Variants in MEGF11 observed in about 807,000 individuals in gnomAD.
MEGF11 encodes the protein multiple epidermal growth factor-like domains protein 11.
MEGF11 carries 126 observed loss-of-function variants against 146.6 expected under a neutral mutation model. The ratio of observed to expected loss-of-function variants is 0.86; its 90% CI spans 0.74 to 1.00. MEGF11 has a LOEUF of 1.00. Among genes scored for constraint, MEGF11 ranks in the 50% least tolerant of loss-of-function variants. MEGF11 has a pLI of 0.00. For missense variants in MEGF11, 1,509 were observed against 1,521.2 expected (o/e 0.99, Z 0.13); for synonymous variants, 532 against 583.4 (o/e 0.91, Z 1.27).
At chr15:66,202,140 CAA>C (rs1203304720) in intron 1 of MEGF11, among the ~76,000 whole-genome samples, 5 of 137,940 alleles carry the variant, frequency 3.6e-5, no homozygotes, top group South Asian at 2.3e-4. Flanking sequence ...CACACACACA[CAA>C]GTGATACACA....
Position 65,909,006 on chromosome 15 carries a change from G to T in MEGF11, c.2998+28C>A, listed in dbSNP as rs537376248. 9.2e-5 allele frequency: 132 copies of T among 1,436,438 alleles called. No individual in the cohort carries two copies. The African/African-American group carries it at 1.3e-3, about 14-fold the overall frequency. The allele number at this position is 1,436,438 out of a possible 1,614,324, so 89.0% of individuals were successfully genotyped here. A position where few individuals can be genotyped will look rare whatever the true frequency, so the allele number is the denominator to read the frequency against. On this transcript the variant is annotated intron_variant, in intron 23 of 25. Transcript: ENST00000395614. ...GGTGCTGGGTCTGGTCTGGCATGAG[G>T]GGGTGGAGGGTAGGGCTGGGGTCTG...
intron 1 of MEGF11, among the ~76,000 whole-genome samples, chr15:66,164,298 G>A (rs1259769341): frequency 6.6e-6 from 1 of 152,144 alleles, no homozygotes; most frequent in African/African-American, 2.4e-5. Flanking sequence ...GCACAGCTTG[G>A]AGTGCTTTTC....
At chr15:66,223,327 G>A (rs2091778929) in intron 1 of MEGF11, among the ~76,000 whole-genome samples, 1 of 152,082 alleles carries the variant, frequency 6.6e-6, no homozygotes, top group Non-Finnish European at 1.5e-5. Flanking sequence ...TGCTTGCCAG[G>A]GGCTGGGGGA....
intron 1 of MEGF11, among the ~76,000 whole-genome samples, chr15:66,147,987 G>T (rs1337619163): frequency 6.6e-6 from 1 of 152,210 alleles, no homozygotes; most frequent in Non-Finnish European, 1.5e-5. Flanking sequence ...TGCATAGGAA[G>T]AATGCATGGG....
rs189709449 is a variant in MEGF11, at chr15:66,183,237, C to T, written c.-8-54826G>A. On this transcript the variant is annotated intron_variant, in intron 1 of 25. Coordinates refer to ENST00000395614, the MANE Select transcript of MEGF11 (RefSeq NM_001385028.1). The stretch of plus-strand genomic sequence containing the variant: ...CACGGTGGCTGGGCGTGGGGGCTCA[C>T]GCCTGTAATCCCAGCACTTTGGGAG... Among the ~76,000 whole-genome samples, 14 of 152,158 alleles carry T rather than the reference C, an allele frequency of 9.2e-5. No individual in the cohort carries two copies. In the East Asian group the frequency reaches 2.1e-3, roughly 23 times the overall value.
Position 66,109,159 on chromosome 15 carries a change from C to T in MEGF11, c.301+9927G>A, listed in dbSNP as rs58603730. On this transcript the variant is annotated intron_variant, in intron 4 of 25. Coordinates refer to ENST00000395614, the MANE Select transcript of MEGF11 (RefSeq NM_001385028.1). The stretch of plus-strand genomic sequence containing the variant: ...CCGCCAGACCCCAGGTCTTCATCCC[C>T]TTGACCAAGTCCTTGAACACAGCCA... Among the ~76,000 whole-genome samples, 154 of 152,288 alleles carry T rather than the reference C, an allele frequency of 1.0e-3. 2 individuals are homozygous for T. Among genetic ancestry groups the T allele is most frequent in the Middle Eastern group, 3.4e-3 (1 of 294 alleles).
intron 7 of MEGF11, among the ~76,000 whole-genome samples, chr15:65,978,204 G>A (rs1323438670): frequency 6.6e-6 from 1 of 152,132 alleles, no homozygotes; most frequent in African/African-American, 2.4e-5. Flanking sequence ...AGTCACATAG[G>A]GCCATTGGGA....
chr15:66,153,559 C>G (rs902823215), intron 1 of MEGF11, among the ~76,000 whole-genome samples: 1 of 149,312 alleles, frequency 6.7e-6, no homozygotes, highest in African/African-American at 2.4e-5. Context: ...GGCAACAGAG[C>G]GAGACTCCAT....
intron 1 of MEGF11, among the ~76,000 whole-genome samples, chr15:66,153,525 A>T (rs1374228117): frequency 1.2e-4 from 18 of 152,272 alleles, no homozygotes; most frequent in Non-Finnish European, 1.9e-4. Context: ...GTGAGCCGAG[A>T]TCATGCCACT....
chr15:66,079,305 T>TG (rs2085733544), intron 5 of MEGF11, among the ~76,000 whole-genome samples: 1 of 152,168 alleles, frequency 6.6e-6, no homozygotes. Flanking sequence ...GGGCATCTGT[T>TG]GTGCTGAACC....
chr15:66,132,913 G>A (rs997396454), intron 1 of MEGF11, among the ~76,000 whole-genome samples: 2 of 152,052 alleles, frequency 1.3e-5, no homozygotes, highest in Non-Finnish European at 2.9e-5. Flanking sequence ...TGTGTTCACC[G>A]CTATGTCCCC....
intron 1 of MEGF11, among the ~76,000 whole-genome samples, chr15:66,148,883 C>G (rs1168369132): frequency 6.6e-6 from 1 of 152,222 alleles, no homozygotes; most frequent in African/African-American, 2.4e-5. Context: ...CTAGGGTCCC[C>G]CAAATGGCTG....
chr15:66,023,140 CA>C (rs375962533), intron 5 of MEGF11, among the ~76,000 whole-genome samples: 2 of 123,708 alleles, frequency 1.6e-5, no homozygotes, highest in African/African-American at 3.2e-5. Flanking sequence ...GACTCCATCT[CA>C]AAAAAAAAAA....
At chr15:66,004,213 C>T (rs1717630675) in intron 5 of MEGF11, among the ~76,000 whole-genome samples, 1 of 152,178 alleles carries the variant, frequency 6.6e-6, no homozygotes, top group African/African-American at 2.4e-5. Flanking sequence ...AGGATCACCC[C>T]TGAGCTCTTA....
At chr15:66,122,968 A>G (rs1249772310) in intron 3 of MEGF11, among the ~76,000 whole-genome samples, 1 of 152,052 alleles carries the variant, frequency 6.6e-6, no homozygotes, top group Non-Finnish European at 1.5e-5. Flanking sequence ...TATTTTTAGT[A>G]GAGACGGGGT....
chr15:65,912,999 C>T (rs2078864561), intron 20 of MEGF11, among the ~76,000 whole-genome samples: 2 of 152,186 alleles, frequency 1.3e-5, no homozygotes, highest in African/African-American at 4.8e-5. Flanking sequence ...TAGCCCAGGA[C>T]TATAGGGCAA....
chr15:66,081,238 G>A (rs1048354273), intron 5 of MEGF11, among the ~76,000 whole-genome samples: 3 of 152,232 alleles, frequency 2.0e-5, no homozygotes, highest in Non-Finnish European at 4.4e-5. Flanking sequence ...CGGGGTGGCA[G>A]GAAGGGGAGA....
intron 1 of MEGF11, among the ~76,000 whole-genome samples, chr15:66,156,736 G>A (rs572984597): frequency 6.6e-6 from 1 of 152,304 alleles, no homozygotes; most frequent in East Asian, 1.9e-4. Flanking sequence ...CCCTAGTCTG[G>A]TGAACTCACA....
intron 1 of MEGF11, among the ~76,000 whole-genome samples, chr15:66,196,142 G>A (rs2091004001): frequency 6.6e-6 from 1 of 152,134 alleles, no homozygotes; most frequent in Non-Finnish European, 1.5e-5. Context: ...GATGAGGCTG[G>A]GAAAGCAGGC....
Sources: gnomAD v4.1 joint callset for allele counts (sites outside exome capture counted in the v4.1 genomes callset) on GRCh38, gnomAD v4.1.1 for gene constraint, MANE v1.5 for transcripts, NCBI Gene and HGNC (gene_info 2026-07-23, HGNC 2026-07-21) for gene names.